GIPC2: variants seen among roughly 807,000 people sequenced by gnomAD.
The protein encoded by GIPC2 is GIPC PDZ domain containing family member 2.
A neutral mutation model predicts 30.6 loss-of-function variants in GIPC2; 30 were observed. The ratio of observed to expected loss-of-function variants is 0.98; its 90% CI spans 0.73 to 1.33. The LOEUF (loss-of-function observed/expected upper bound fraction) is 1.33, where lower values mean the gene tolerates loss of function less well. GIPC2 is among the 40% of genes most tolerant of loss of function. The pLI is 0.00. For synonymous variants in GIPC2, 167 were observed against 150.0 expected, an observed-to-expected ratio of 1.11 and a Z score of -0.83; for missense variants, 414 against 390.3, an observed-to-expected ratio of 1.06 and a Z score of -0.51.
At chr1:78,092,311 T>A (rs1662057562) in intron 2 of GIPC2, among the ~76,000 whole-genome samples, 1 of 152,174 alleles carries the variant, frequency 6.6e-6, no homozygotes, top group Non-Finnish European at 1.5e-5. Context: ...TGGAAGATAT[T>A]ATAATAATGA....
At chr1:78,123,318 G>A (rs1411084754) in intron 4 of GIPC2, among the ~76,000 whole-genome samples, 1 of 151,186 alleles carries the variant, frequency 6.6e-6, no homozygotes, top group Non-Finnish European at 1.5e-5. Context: ...ATTAGTGAGT[G>A]AGTTCAAAAT....
At chr1:78,058,305 G>A (rs1034580231) in intron 1 of GIPC2, among the ~76,000 whole-genome samples, 2 of 152,120 alleles carry the variant, frequency 1.3e-5, no homozygotes, top group African/African-American at 4.8e-5. Flanking sequence ...ATCTGTGCCT[G>A]GCACATAGTA....
intron 5 of GIPC2, among the ~76,000 whole-genome samples, chr1:78,135,386 A>G (rs952428088): frequency 2.6e-5 from 4 of 152,128 alleles, no homozygotes; most frequent in African/African-American, 9.7e-5. Flanking sequence ...GGTTCAGTGG[A>G]CACATTGTTG....
At chr1:78,063,735 T>A (rs774840574) in intron 1 of GIPC2, among the ~76,000 whole-genome samples, 1 of 151,346 alleles carries the variant, frequency 6.6e-6, no homozygotes, top group Non-Finnish European at 1.5e-5. Context: ...AATACAAAAA[T>A]TTGCCGGGTG....
chr1:78,132,455 A>G (rs1163939478), intron 5 of GIPC2, among the ~76,000 whole-genome samples: 6 of 152,002 alleles, frequency 3.9e-5, no homozygotes, highest in African/African-American at 9.7e-5. Context: ...TGCATTTTGG[A>G]CTGTGAGGTT....
intron 2 of GIPC2, among the ~76,000 whole-genome samples, chr1:78,089,689 C>A (rs1023171042): frequency 1.3e-5 from 2 of 152,114 alleles, no homozygotes; most frequent in African/African-American, 2.4e-5. Context: ...CTTAAATGTT[C>A]ATGATTTTAT....
intron 1 of GIPC2, among the ~76,000 whole-genome samples, chr1:78,061,183 G>A (rs1282896078): frequency 6.6e-6 from 1 of 152,206 alleles, no homozygotes; most frequent in Non-Finnish European, 1.5e-5. Context: ...TCTTCTTGGT[G>A]TAAACCCCCA....
intron 1 of GIPC2, among the ~76,000 whole-genome samples, chr1:78,054,947 A>G (rs539443300): frequency 6.6e-6 from 1 of 152,338 alleles, no homozygotes; most frequent in Admixed American, 6.5e-5. Context: ...TCCCACCTGC[A>G]ATCACCAACC....
chr1:78,095,112 T>A lies in GIPC2; in HGVS notation c.587T>A (p.Ile196Lys). 3 of 1,612,582 alleles carry A rather than the reference T, an allele frequency of 1.9e-6. No individual in the cohort carries two copies. The highest frequency in any genetic ancestry group is 1.1e-5 in the South Asian group (1 of 91,018). Residue 196 changes from isoleucine to lysine, a missense_variant, in exon 3 of 6, where the codon ATA becomes AAA. Physicochemically the swap from Ile to Lys is moderately radical, Grantham distance 102. Coordinates refer to ENST00000370759, the MANE Select transcript of GIPC2 (RefSeq NM_017655.6). ...KKEELFTMKL[I>K]EPKKAFEIEL... is the part of the protein sequence containing the mutation. ...GAGGAACTCTTTACTATGAAGTTAA[T>A]AGAACCTAAGAAGGCATTTGGTAAG...
At chr1:78,059,335 T>C (rs1661351288) in intron 1 of GIPC2, among the ~76,000 whole-genome samples, 1 of 152,236 alleles carries the variant, frequency 6.6e-6, no homozygotes, top group Non-Finnish European at 1.5e-5. Flanking sequence ...AATATTCCAG[T>C]GTCATCTTTA....
chr1:78,091,582 C>A, intron 2 of GIPC2: 4 of 759,794 alleles, frequency 5.3e-6, no homozygotes, highest in Non-Finnish European at 9.9e-6. Context: ...CGGCCAAGTC[C>A]TTCGCGATCT....
chr1:78,115,028 G>A (rs1662542298), intron 3 of GIPC2, among the ~76,000 whole-genome samples: 1 of 152,208 alleles, frequency 6.6e-6, no homozygotes, highest in Non-Finnish European at 1.5e-5. Flanking sequence ...CTGGCTACCA[G>A]TGTTGCAGGT....
At chr1:78,064,200 A>C (rs1337803091) in intron 1 of GIPC2, among the ~76,000 whole-genome samples, 2 of 152,234 alleles carry the variant, frequency 1.3e-5, no homozygotes, top group Non-Finnish European at 2.9e-5. Context: ...ATTCAGAATA[A>C]AAAATACGCT....
rs1276669276 is a variant in GIPC2, at chr1:78,136,329, T to C, written c.*586T>C. ...TCTCTCTTTGTAAAACAAAGATTGA[T>C]TGATTTTCTTGTATGCTTCTTTATA... is the stretch of plus-strand genomic sequence containing the variant. On this transcript the variant is annotated 3_prime_UTR_variant, in exon 6 of 6. Transcript: ENST00000370759. The C allele has an allele frequency of 6.6e-6, 1 of 152,204 alleles. No individual in the cohort carries two copies. Among genetic ancestry groups the C allele is most frequent in the Non-Finnish European group, 1.5e-5 (1 of 68,052 alleles). 9.4% of individuals were successfully genotyped at this position (152,204 alleles called of 1,614,324 possible). A position where few individuals can be genotyped will look rare whatever the true frequency, so the allele number is the denominator to read the frequency against.
chr1:78,081,399 T>C (rs1168571064), intron 2 of GIPC2, among the ~76,000 whole-genome samples: 2 of 152,208 alleles, frequency 1.3e-5, no homozygotes, highest in Non-Finnish European at 2.9e-5. Context: ...CATTATTTCC[T>C]AAACAATACA....
intron 1 of GIPC2, among the ~76,000 whole-genome samples, chr1:78,046,744 G>A (rs950402145): frequency 5.9e-5 from 9 of 152,116 alleles, no homozygotes; most frequent in African/African-American, 1.9e-4. Flanking sequence ...TCCTCCGCAG[G>A]CGTGAGAGTC....
intron 2 of GIPC2, among the ~76,000 whole-genome samples, chr1:78,082,654 T>A (rs528740343): frequency 6.6e-6 from 1 of 152,344 alleles, no homozygotes; most frequent in East Asian, 1.9e-4. Context: ...TTGTCAAACA[T>A]GTGCCTGACT....
chr1:78,080,891 A>T, intron 2 of GIPC2, 31 bp downstream of exon 2: 1 of 1,298,466 alleles, frequency 7.7e-7, no homozygotes, highest in Non-Finnish European at 1.1e-6. Flanking sequence ...GTGTAACCTA[A>T]TTGAGGATAA....
Position 78,119,252 on chromosome 1 carries a change from A to G in GIPC2, c.608-141A>G, listed in dbSNP as rs537375806. 11 of 540,424 alleles carry G rather than the reference A, an allele frequency of 2.0e-5. No individual in the cohort carries two copies. In the South Asian group the frequency reaches 3.3e-4, roughly 16 times the overall value. The allele number at this position is 540,424 out of a possible 1,614,324, so 33.5% of individuals were successfully genotyped here. A position where few individuals can be genotyped will look rare whatever the true frequency, so the allele number is the denominator to read the frequency against. ...AAGTACATTTATTTTGCTTCGGGAA[A>G]TTCTATAAGAAGGCCTACGTTTTAT... is the stretch of plus-strand genomic sequence containing the variant. On this transcript the variant is annotated intron_variant, in intron 3 of 5. Transcript: ENST00000370759.
Sources: allele counts gnomAD v4.1 joint callset (sites outside exome capture counted in the v4.1 genomes callset), GRCh38; gene constraint gnomAD v4.1.1; transcripts MANE v1.5; gene names NCBI Gene and HGNC (gene_info 2026-07-23, HGNC 2026-07-21).